The following AFAP1 variants were observed in gnomAD, a reference collection of about 807,000 sequenced individuals.
AFAP1 encodes actin filament-associated protein 1.
Under a neutral mutation model 93.9 loss-of-function variants are expected in AFAP1, and 75 were observed. The ratio of observed to expected loss-of-function variants is 0.80; its 90% CI spans 0.66 to 0.97. The LOEUF is 0.97. Ranked by LOEUF, AFAP1 falls within the 50% of genes least tolerant of loss-of-function variation. The pLI, the probability that AFAP1 is intolerant of heterozygous loss-of-function variation, is 0.00. For synonymous variants in AFAP1, 517 were observed against 430.7 expected (o/e 1.20, Z -2.48); for missense variants, 1,201 against 1,050.8 (o/e 1.14, Z -1.98).
intron 14 of AFAP1, chr4:7,777,146 T>TA (rs1716216230): frequency 6.6e-6 from 1 of 152,220 alleles, no homozygotes; most frequent in African/African-American, 2.4e-5. Flanking sequence ...AACAAAGCTT[T>TA]CCAGGTGTGA....
intron 1 of AFAP1, among the ~76,000 whole-genome samples, chr4:7,889,694 T>TG (rs1718338688): frequency 1.2e-5 from 1 of 84,028 alleles, no homozygotes; most frequent in African/African-American, 3.3e-5. Context: ...TGAAGCGTTT[T>TG]TTTTTTTTTT....
chr4:7,793,023 G>T, intron 11 of AFAP1, among the ~76,000 whole-genome samples: 1 of 152,176 alleles, frequency 6.6e-6, no homozygotes, highest in East Asian at 1.9e-4. Flanking sequence ...ATTTAACCCC[G>T]CAGACTGCCA....
chr4:7,881,240 C>G (rs967005779), intron 1 of AFAP1, among the ~76,000 whole-genome samples: 1 of 152,106 alleles, frequency 6.6e-6, no homozygotes, highest in Admixed American at 6.5e-5. Flanking sequence ...CACCACTCAT[C>G]CCCCAGCATT....
chr4:7,769,462 C>G (rs1234397505), intron 16 of AFAP1, among the ~76,000 whole-genome samples: 1 of 152,264 alleles, frequency 6.6e-6, no homozygotes, highest in Non-Finnish European at 1.5e-5. Context: ...TGCAGCCCCA[C>G]TGCGCGGGGC....
intron 6 of AFAP1, among the ~76,000 whole-genome samples, chr4:7,823,674 C>T (rs561716115): frequency 6.6e-6 from 1 of 152,344 alleles, no homozygotes; most frequent in South Asian, 2.1e-4. Flanking sequence ...TTTCCTGGTA[C>T]ACCCAACCAT....
intron 8 of AFAP1, among the ~76,000 whole-genome samples, chr4:7,810,005 C>T (rs943137649): frequency 2.0e-5 from 3 of 152,006 alleles, no homozygotes; most frequent in East Asian, 1.9e-4. Flanking sequence ...ACCACAGGTG[C>T]GTGTCACTAC....
chr4:7,898,808 A>AGAGTGTGTGTGTGT (rs376959896), intron 1 of AFAP1, among the ~76,000 whole-genome samples: 9 of 137,024 alleles, frequency 6.6e-5, no homozygotes, highest in African/African-American at 2.2e-4. Context: ...GGGCAGTAGA[A>AGAGTGTGTGTGTGT]GTGTGTGTGT....
Position 7,843,208 on chromosome 4 carries a change from G to T in AFAP1, c.477C>A (p.Phe159Leu), listed in dbSNP as rs1454481056. The T allele has an allele frequency of 6.2e-7, 1 of 1,614,210 alleles. No homozygotes were observed. The highest frequency in any genetic ancestry group is 1.7e-5 in the Admixed American group (1 of 60,022). Residue 159 changes from phenylalanine (F) to leucine (L), a missense_variant, in exon 5 of 18, where the codon TTC becomes TTA. Transcript: ENST00000420658. ...GGCCGAACCGCTTCTTCCGCAGCAG[G>T]AAGGCGCAGATTTTGGCGTCCTTGA... Reference protein sequence around the residue: ...DLVKDAKICAFLLRKKRFGQW... With the variant: ...DLVKDAKICALLLRKKRFGQW...
chr4:7,783,879 C>A (rs148025972), intron 12 of AFAP1, among the ~76,000 whole-genome samples: 2 of 152,236 alleles, frequency 1.3e-5, no homozygotes, highest in African/African-American at 4.8e-5. Flanking sequence ...TTGGGGGGGA[C>A]GGGCTAGACA....
chr4:7,793,628 G>C, intron 11 of AFAP1, 53 bp downstream of exon 11: 1 of 1,424,900 alleles, frequency 7.0e-7, no homozygotes, highest in South Asian at 1.8e-5. Flanking sequence ...GCTAAGTTAG[G>C]GAAAAGACAG....
rs527286317 is a variant in AFAP1, at chr4:7,811,046, G to A, written c.905-1283C>T. On this transcript the variant is annotated intron_variant, in intron 8 of 17. Transcript: ENST00000420658. ...TCCTTTGGGCCAGAGAGCGACCCTC[G>A]GAGAAGGTGAGCTGTCTGCCCGTCT... Among the ~76,000 whole-genome samples, 37 of 152,326 alleles carry A rather than the reference G, an allele frequency of 2.4e-4. 2 individuals carry two copies. The South Asian group carries it at 6.8e-3, about 28-fold the overall frequency.
At chr4:7,789,774 T>C (rs536939621) in intron 11 of AFAP1, among the ~76,000 whole-genome samples, 638 of 133,578 alleles carry the variant, frequency 4.8e-3, no homozygotes, top group Middle Eastern at 0.024. Flanking sequence ...CATCTCCCCA[T>C]GCTCCGCACC....
intron 3 of AFAP1, among the ~76,000 whole-genome samples, chr4:7,857,451 C>G (rs73210862): frequency 0.3 from 46,195 of 152,168 alleles, 8,866 homozygotes; most frequent in Non-Finnish European, 0.44. Flanking sequence ...CTCCCGCCCC[C>G]CGTCCTTGTT....
chr4:7,844,118 C>T (rs1235454548), intron 4 of AFAP1, among the ~76,000 whole-genome samples: 1 of 152,170 alleles, frequency 6.6e-6, no homozygotes, highest in Non-Finnish European at 1.5e-5. Flanking sequence ...CCTGAATCAC[C>T]AAAGCTGGGT....
intron 14 of AFAP1, chr4:7,778,431 A>G (rs765612667): frequency 3.7e-5 from 15 of 410,142 alleles, no homozygotes; most frequent in Non-Finnish European, 6.3e-5. Flanking sequence ...ACCACAGATC[A>G]GGGACAGGAG....
chr4:7,823,903 TC>T (rs1428842424), intron 6 of AFAP1, among the ~76,000 whole-genome samples: 1 of 152,224 alleles, frequency 6.6e-6, no homozygotes, highest in Non-Finnish European at 1.5e-5. Flanking sequence ...CGTGGGACTC[TC>T]TTCCCCCAGG....
At chr4:7,918,187 T>C (rs988347706) in intron 1 of AFAP1, among the ~76,000 whole-genome samples, 2 of 144,112 alleles carry the variant, frequency 1.4e-5, no homozygotes, top group Non-Finnish European at 3.0e-5. Flanking sequence ...GAAGAGACAC[T>C]CGGCCCAGGT....
rs988467916 is a variant in AFAP1 at position 7,763,483 on chromosome 4, T to A, written c.*282A>T. The stretch of plus-strand genomic sequence containing the variant: ...AATGGCCTATCTGGTTAGAAAGATG[T>A]CACTTCGCCTGATAGCATCCTTTCA... On this transcript the variant is annotated 3_prime_UTR_variant, in exon 18 of 18. Transcript: ENST00000420658. 1 of 462,604 alleles carries A rather than the reference T, an allele frequency of 2.2e-6. No individual in the cohort carries two copies. The highest frequency in any genetic ancestry group is 2.0e-5 in the African/African-American group (1 of 50,506). 28.7% of individuals were successfully genotyped at this position (462,604 alleles called of 1,614,324 possible).
rs1405818019 is a variant in AFAP1, at chr4:7,781,467, A to G, written c.1691T>C (p.Leu564Pro). 2 of 1,552,138 alleles carry G rather than the reference A, an allele frequency of 1.3e-6. No homozygotes were observed. The highest frequency in any genetic ancestry group is 1.7e-6 in the Non-Finnish European group (2 of 1,147,080). Reference protein sequence around the residue: ...RKASRLSADKLSSNHYKYPAS... With the variant: ...RKASRLSADKPSSNHYKYPAS... Reference sequence around the variant, plus strand: ...AGGGTATTTGTAATGGTTAGAGGACAGCTTGTCAGCAGACAGCCTAGAGGC... The same window carrying G: ...AGGGTATTTGTAATGGTTAGAGGACGGCTTGTCAGCAGACAGCCTAGAGGC... Residue 564 changes from leucine to proline, a missense_variant, in exon 13 of 18, where the codon CTG becomes CCG. Transcript: ENST00000420658.
Sources: gnomAD v4.1 joint callset for allele counts (sites outside exome capture counted in the v4.1 genomes callset) on GRCh38, gnomAD v4.1.1 for gene constraint, MANE v1.5 for transcripts, NCBI Gene and HGNC (gene_info 2026-07-23, HGNC 2026-07-21) for gene names.